CD163L1: variants seen among roughly 807,000 people sequenced by gnomAD.
The protein encoded by CD163L1 is CD163 molecule like 1.
In CD163L1, 124 loss-of-function variants were observed where a neutral mutation model predicts 165.4. That is an observed-to-expected ratio of 0.75 (90% CI 0.65 to 0.87). The LOEUF (loss-of-function observed/expected upper bound fraction) is 0.87, where lower values mean the gene tolerates loss of function less well. Ranked by LOEUF, CD163L1 falls within the 40% of genes least tolerant of loss-of-function variation. The probability of loss-of-function intolerance (pLI) is 0.00; values close to 1 mark genes in which losing one functional copy is unlikely to be tolerated. For synonymous variants in CD163L1, 585 were observed against 662.2 expected (o/e 0.88, Z 1.79); for missense variants, 1,525 against 1,799.9 (o/e 0.85, Z 2.76).
At chr12:7,320,247 C>CA in the CD163L1 span, among the ~76,000 whole-genome samples, 28 of 151,142 alleles carry the variant, frequency 1.9e-4, no homozygotes, top group Middle Eastern at 3.4e-3. Context: ...AAGAAAAGGC[C>CA]AAAAAAAATG....
chr12:7,327,160 T>C, the CD163L1 span: 25 of 1,467,232 alleles, frequency 1.7e-5, no homozygotes, highest in Non-Finnish European at 2.3e-5. Context: ...TAGAATTAGA[T>C]TTTACTGGAT....
chr12:7,437,612 T>C (rs1204140044), intron 2 of CD163L1, among the ~76,000 whole-genome samples: 1 of 151,324 alleles, frequency 6.6e-6, no homozygotes, highest in Admixed American at 6.6e-5. Context: ...TGTGATAGTC[T>C]GCTCAGAATG....
At chr12:7,392,480 C>G (rs1488763995) in intron 8 of CD163L1, among the ~76,000 whole-genome samples, 1 of 151,984 alleles carries the variant, frequency 6.6e-6, no homozygotes, top group East Asian at 1.9e-4. Context: ...CAGGAAAGAT[C>G]TAAAATCAAC....
chr12:7,328,989 T>C, the CD163L1 span, among the ~76,000 whole-genome samples: 1 of 148,526 alleles, frequency 6.7e-6, no homozygotes, highest in African/African-American at 2.4e-5. Context: ...TATGTGTATA[T>C]ACACATATGT....
chr12:7,378,954 T>G (rs1244457622), intron 9 of CD163L1, 24 bp downstream of exon 9: 1 of 1,573,130 alleles, frequency 6.4e-7, no homozygotes, highest in East Asian at 2.3e-5. Context: ...TAAATAAATG[T>G]GTTTATCTTT....
chr12:7,438,941 G>C, intron 2 of CD163L1: 1 of 1,606,698 alleles, frequency 6.2e-7, no homozygotes, highest in East Asian at 2.2e-5. Flanking sequence ...CTCTAAGAAT[G>C]CGTTCTTGTT....
chr12:7,343,613 C>A (rs1286968388), downstream of CD163L1, among the ~76,000 whole-genome samples: 5 of 152,092 alleles, frequency 3.3e-5, no homozygotes, highest in African/African-American at 1.2e-4. Context: ...TTTAAACAAC[C>A]AGATCTTGTG....
At chr12:7,441,922 A>C (rs1438767661) in intron 1 of CD163L1, among the ~76,000 whole-genome samples, 3 of 152,172 alleles carry the variant, frequency 2.0e-5, no homozygotes, top group African/African-American at 7.2e-5. Flanking sequence ...TCAGTTCTGC[A>C]TCTAATAAAG....
intron 8 of CD163L1, among the ~76,000 whole-genome samples, chr12:7,386,533 C>A (rs1947519685): frequency 6.6e-6 from 1 of 150,398 alleles, no homozygotes; most frequent in Non-Finnish European, 1.5e-5. Context: ...AAAATACAGG[C>A]CAATATCCTT....
Position 7,398,614 on chromosome 12 carries a change from G to A in CD163L1, c.1409-30C>T. The A allele has an allele frequency of 6.6e-7, 1 of 1,510,636 alleles. No individual in the cohort carries two copies. Among genetic ancestry groups the A allele is most frequent in the East Asian group, 2.3e-5 (1 of 44,036 alleles). The allele number at this position is 1,510,636 out of a possible 1,614,324, so 93.6% of individuals were successfully genotyped here. ...AAGCAAGACAAAACCACATATTTGA[G>A]ATCAAATGAGAGAGTCTTTTCAGAA... On this transcript the variant is annotated intron_variant, in intron 6 of 19. Coordinates refer to ENST00000313599, the MANE Select transcript of CD163L1 (RefSeq NM_174941.6). The surrounding 1 kb of genome is among the most constrained non-coding windows in gnomAD (Gnocchi z 4.5).
chr12:7,334,363 C>T, the CD163L1 span, among the ~76,000 whole-genome samples: 4 of 152,140 alleles, frequency 2.6e-5, no homozygotes, highest in Non-Finnish European at 5.9e-5. Flanking sequence ...CATAATCCAG[C>T]ATATAAACAG....
chr12:7,427,779 T>A (rs1450295031), intron 4 of CD163L1, among the ~76,000 whole-genome samples: 1 of 152,142 alleles, frequency 6.6e-6, no homozygotes, highest in Admixed American at 6.6e-5. Flanking sequence ...CATGTAGGTA[T>A]CCTTCCAAAT....
chr12:7,369,638 G>A lies in CD163L1; in HGVS notation c.3758C>T (p.Thr1253Ile). 1 of 1,614,068 alleles carries A rather than the reference G, an allele frequency of 6.2e-7. No homozygotes were observed. The highest frequency in any genetic ancestry group is 8.5e-7 in the Non-Finnish European group (1 of 1,179,966). The change falls in exon 15 of 20, where the codon ACC becomes ATC. Residue 1253 changes from threonine to isoleucine, a missense_variant. By Grantham distance (89) the Thr-to-Ile change is moderately conservative (BLOSUM62 -1). Transcript: ENST00000313599. The surrounding 1 kb of genome is among the most constrained non-coding windows in gnomAD (Gnocchi z 4.9). ...EDRIRVRGGD[T>I]ECSGRVEIWH... ...GATCTCCACTCTCCCAGAGCACTCG[G>A]TGTCTCCTCCACGCACTCTTATTCT...
intron 4 of CD163L1, among the ~76,000 whole-genome samples, chr12:7,424,849 T>A (rs778604060): frequency 1.3e-5 from 2 of 152,174 alleles, no homozygotes; most frequent in African/African-American, 4.8e-5. Context: ...CACAAACAAA[T>A]GGAAAAACAT....
chr12:7,407,812 C>G (rs1000512747), intron 4 of CD163L1, among the ~76,000 whole-genome samples: 4 of 147,120 alleles, frequency 2.7e-5, no homozygotes, highest in African/African-American at 1.0e-4. Flanking sequence ...CACACAGACA[C>G]ACACACACAC....
At chr12:7,343,356 A>G (rs1028035470), downstream of CD163L1, among the ~76,000 whole-genome samples, 2 of 152,178 alleles carry the variant, frequency 1.3e-5, no homozygotes, top group South Asian at 4.1e-4. Flanking sequence ...TTGAAATCTC[A>G]ATCTCAATGC....
chr12:7,341,155 T>C, the CD163L1 span, among the ~76,000 whole-genome samples: 1 of 152,158 alleles, frequency 6.6e-6, no homozygotes, highest in East Asian at 1.9e-4. Context: ...AGAAGAACAT[T>C]AGTCCAGATT....
At chr12:7,421,409 AAATG>A (rs1591953965) in intron 4 of CD163L1, among the ~76,000 whole-genome samples, 5 of 102,984 alleles carry the variant, frequency 4.9e-5, no homozygotes, top group African/African-American at 9.3e-5. Context: ...TATATCTTCC[AAATG>A]TATATATACA....
intron 19 of CD163L1, among the ~76,000 whole-genome samples, chr12:7,356,687 A>AGTG (rs1946780375): frequency 1.3e-5 from 2 of 152,128 alleles, no homozygotes; most frequent in Non-Finnish European, 2.9e-5. Flanking sequence ...CATTGAGTTC[A>AGTG]ATTTTTCTCT....
Sources: allele counts gnomAD v4.1 joint callset (sites outside exome capture counted in the v4.1 genomes callset), GRCh38; gene constraint gnomAD v4.1.1; non-coding constraint Gnocchi (gnomAD v3.1); transcripts MANE v1.5; gene names NCBI Gene and HGNC (gene_info 2026-07-23, HGNC 2026-07-21).